Variants in SIPA1L2 observed in about 807,000 individuals in gnomAD.
SIPA1L2 encodes signal induced proliferation associated 1 like 2, also known as signal-induced proliferation-associated 1-like protein 2.
In SIPA1L2, 56 loss-of-function variants were observed where a neutral mutation model predicts 163.9. That is an observed-to-expected ratio of 0.34 (90% CI 0.28 to 0.43). The LOEUF (loss-of-function observed/expected upper bound fraction) is 0.43. Ranked by LOEUF, SIPA1L2 falls within the 20% of genes least tolerant of loss-of-function variation. The pLI is 1.00. For missense variants in SIPA1L2, 1,974 were observed against 2,193.5 expected (o/e 0.90, Z 2.00); for synonymous variants, 877 against 865.7 (o/e 1.01, Z -0.23).
intron 1 of SIPA1L2, among the ~76,000 whole-genome samples, chr1:232,607,470 T>C (rs1265302641): frequency 6.6e-6 from 1 of 152,198 alleles, no homozygotes; most frequent in African/African-American, 2.4e-5. Context: ...ATAAATCTTT[T>C]AGACCACTTG....
At position 232,522,032 on chromosome 1, in the gene SIPA1L2, C is replaced by T. The variant is rs117375011; in HGVS notation, c.-269-6424G>A. Among the ~76,000 whole-genome samples the T allele has an allele frequency of 2.9e-4, 44 of 152,292 alleles. No individual in the cohort carries two copies. In the East Asian group the frequency reaches 5.4e-3, roughly 19 times the overall value. The stretch of plus-strand genomic sequence containing the variant: ...CAACCACTCAGGTGCCCAACCCAAA[C>T]ACCCAGTGCTCATCCTGCCTTCCCT... On this transcript the variant is annotated intron_variant, in intron 2 of 22. Transcript: ENST00000674635.
At chr1:232,570,792 T>G (rs1659682609) in intron 2 of SIPA1L2, among the ~76,000 whole-genome samples, 1 of 152,062 alleles carries the variant, frequency 6.6e-6, no homozygotes, top group East Asian at 1.9e-4. Context: ...GGAGTTGGAC[T>G]AACAGACTGG....
chr1:232,499,590 C>T (rs1053992908), intron 3 of SIPA1L2, among the ~76,000 whole-genome samples: 6 of 152,154 alleles, frequency 3.9e-5, no homozygotes, highest in South Asian at 2.1e-4. Flanking sequence ...TATCTCCACG[C>T]GGTAAGTGCA....
chr1:232,538,575 T>C (rs182815793), intron 2 of SIPA1L2, among the ~76,000 whole-genome samples: 1 of 152,250 alleles, frequency 6.6e-6, no homozygotes, highest in East Asian at 1.9e-4. Context: ...CTATGTAAAA[T>C]TACTGGTTTC....
intron 18 of SIPA1L2, among the ~76,000 whole-genome samples, chr1:232,420,143 G>A (rs1661483814): frequency 6.6e-6 from 1 of 152,064 alleles, no homozygotes; most frequent in African/African-American, 2.4e-5. Flanking sequence ...CTAACATGGT[G>A]AAACCCCATT....
intron 3 of SIPA1L2, among the ~76,000 whole-genome samples, chr1:232,496,404 A>T (rs1245007392): frequency 6.6e-6 from 1 of 152,190 alleles, no homozygotes; most frequent in Non-Finnish European, 1.5e-5. Flanking sequence ...GCCTAAGGAT[A>T]CATTTCTCAG....
At chr1:232,570,625 T>C (rs1337981513) in intron 2 of SIPA1L2, among the ~76,000 whole-genome samples, 1 of 152,152 alleles carries the variant, frequency 6.6e-6, no homozygotes, top group African/African-American at 2.4e-5. Flanking sequence ...GATTTTCAAC[T>C]GAGAAAAAAG....
chr1:232,428,013 G>A (rs1399322204), intron 17 of SIPA1L2, among the ~76,000 whole-genome samples: 1 of 152,190 alleles, frequency 6.6e-6, no homozygotes, highest in Admixed American at 6.5e-5. Flanking sequence ...AGCTGTACTA[G>A]GCTCTTCAGA....
At chr1:232,421,248 G>C (rs991821953) in intron 18 of SIPA1L2, among the ~76,000 whole-genome samples, 2 of 152,144 alleles carry the variant, frequency 1.3e-5, no homozygotes, top group Non-Finnish European at 2.9e-5. Flanking sequence ...CCTTTCGAGA[G>C]ACTCATGAAT....
chr1:232,516,177 C>T (rs932923432), intron 2 of SIPA1L2, among the ~76,000 whole-genome samples: 1 of 152,172 alleles, frequency 6.6e-6, no homozygotes, highest in Non-Finnish European at 1.5e-5. Context: ...CAATACAAGA[C>T]ATTAACAAGA....
At chr1:232,511,717 T>C (rs1386686702) in intron 3 of SIPA1L2, among the ~76,000 whole-genome samples, 9 of 142,832 alleles carry the variant, frequency 6.3e-5, no homozygotes, top group Non-Finnish European at 9.1e-5. Flanking sequence ...ATTACACAAA[T>C]ATTCTCAAGA....
chr1:232,569,398 G>A (rs1170152137), intron 2 of SIPA1L2, among the ~76,000 whole-genome samples: 1 of 152,198 alleles, frequency 6.6e-6, no homozygotes, highest in African/African-American at 2.4e-5. Flanking sequence ...GCAAGAGATG[G>A]CGCACATCTG....
chr1:232,630,102 C>G lies in SIPA1L2; in HGVS notation c.-552G>C, dbSNP rs1364423791. Among the ~76,000 whole-genome samples, 1 of 151,086 alleles carries G rather than the reference C, an allele frequency of 6.6e-6. No homozygotes were observed. Among genetic ancestry groups the G allele is most frequent in the Non-Finnish European group, 1.5e-5 (1 of 67,608 alleles). On this transcript the variant is annotated 5_prime_UTR_variant, in exon 1 of 23. Coordinates refer to ENST00000674635, the MANE Select transcript of SIPA1L2 (RefSeq NM_020808.5). ...TCCTCCTCCGTCCTCCTCCTCCTCTCGCTCCGCCAGCTCCTCCCGGGCTCC... is the reference window on the plus strand; with the variant it reads ...TCCTCCTCCGTCCTCCTCCTCCTCTGGCTCCGCCAGCTCCTCCCGGGCTCC...
intron 10 of SIPA1L2, among the ~76,000 whole-genome samples, chr1:232,456,725 T>A (rs1056156846): frequency 2.6e-5 from 4 of 152,184 alleles, no homozygotes; most frequent in Admixed American, 1.3e-4. Context: ...CTGTAAATTA[T>A]CCCTTGCAAA....
At position 232,460,955 on chromosome 1, in the gene SIPA1L2, G is replaced by A. The variant is rs1287113160; in HGVS notation, c.3027C>T (p.Asp1009=). The A allele has an allele frequency of 1.2e-6, 2 of 1,614,158 alleles. No homozygotes were observed. The highest frequency in any genetic ancestry group is 2.7e-5 in the African/African-American group (2 of 74,956). The change falls in exon 10 of 23, where the codon GAC becomes GAT. Residue 1009 remains aspartate, a synonymous_variant. Coordinates refer to ENST00000674635, the MANE Select transcript of SIPA1L2 (RefSeq NM_020808.5). ...TCACAGTCACAGAAGTACGGAGCAG[G>A]TCGATCATCTGCTCGTGGGTCAGAG... ...VATLTHEQMI[D]LLRTSVTVKV... is the part of the protein sequence containing the mutation.
At chr1:232,457,953 T>C (rs1256418779) in intron 10 of SIPA1L2, among the ~76,000 whole-genome samples, 1 of 152,016 alleles carries the variant, frequency 6.6e-6, no homozygotes, top group East Asian at 1.9e-4. Flanking sequence ...CTAACAAAAA[T>C]ATGGATTTAA....
At chr1:232,541,247 TTAACATAACATAACATAACATAACA>T (rs200351522) in intron 2 of SIPA1L2, among the ~76,000 whole-genome samples, 3,801 of 144,664 alleles carry the variant, frequency 0.026, 90 homozygotes, top group Admixed American at 0.063. Flanking sequence ...TAACATAACA[TTAACATAACATAACATAACATAACA>T]TAACATAACA....
At chr1:232,564,236 G>T (rs1318607112) in intron 2 of SIPA1L2, among the ~76,000 whole-genome samples, 13 of 2,110 alleles carry the variant, frequency 6.2e-3, no homozygotes, top group Admixed American at 7.2e-3. Flanking sequence ...TTTTTTTTTC[G>T]TGTGTGTGTG....
At chr1:232,519,539 C>T (rs1395223862) in intron 2 of SIPA1L2, among the ~76,000 whole-genome samples, 1 of 152,188 alleles carries the variant, frequency 6.6e-6, no homozygotes, top group African/African-American at 2.4e-5. Context: ...GAAGCGAGGG[C>T]CCACACATGC....
Sources: gnomAD v4.1 joint callset for allele counts (sites outside exome capture counted in the v4.1 genomes callset) on GRCh38, gnomAD v4.1.1 for gene constraint, MANE v1.5 for transcripts, NCBI Gene and HGNC (gene_info 2026-07-23, HGNC 2026-07-21) for gene names.